Variants in INSL6 observed in about 807,000 individuals in gnomAD.
INSL6 encodes the protein insulin-like peptide INSL6.
INSL6 carries 16 observed loss-of-function variants against 9.4 expected under a neutral mutation model. That is an observed-to-expected ratio of 1.70 (90% CI 1.15 to 2.59). INSL6 has a LOEUF of 2.59. Ranked by LOEUF, INSL6 falls within the 30% of genes most tolerant of loss-of-function variation. INSL6 has a pLI of 0.00. For synonymous variants in INSL6, 154 were observed against 96.9 expected (o/e 1.59, Z -3.46); for missense variants, 391 against 257.3 (o/e 1.52, Z -3.56).
the INSL6 span, chr9:5,073,933 G>T: frequency 1.7e-6 from 1 of 595,728 alleles, no homozygotes; most frequent in South Asian, 2.1e-5. Flanking sequence ...AAACACTGTA[G>T]GACTATTCAG....
chr9:5,024,336 C>T, the INSL6 span, among the ~76,000 whole-genome samples: 5 of 151,778 alleles, frequency 3.3e-5, no homozygotes, highest in Non-Finnish European at 7.4e-5. Context: ...TTTTTTTTGA[C>T]AGATTTTATT....
At chr9:5,086,004 T>C in the INSL6 span, 4 of 839,678 alleles carry the variant, frequency 4.8e-6, no homozygotes, top group Non-Finnish European at 8.3e-6. Context: ...GTGATGAAAC[T>C]GTGATATACT....
At chr9:5,112,132 A>G in the INSL6 span, 1 of 314,194 alleles carries the variant, frequency 3.2e-6, no homozygotes, top group Non-Finnish European at 6.4e-6. Context: ...CAGCCACGCC[A>G]TGGGCACGGC....
At chr9:5,091,009 C>T in the INSL6 span, 1 of 910,392 alleles carries the variant, frequency 1.1e-6, no homozygotes, top group Non-Finnish European at 1.6e-6. Context: ...TTTACAGTAA[C>T]AGTGAACATT....
chr9:5,136,311 C>G (rs1383368960), intron 2 of INSL6, among the ~76,000 whole-genome samples: 2 of 152,030 alleles, frequency 1.3e-5, no homozygotes, highest in Admixed American at 6.6e-5. Context: ...GGCAGAGACA[C>G]AACAAAAAAA....
the INSL6 span, chr9:5,073,790 G>A: frequency 6.4e-7 from 1 of 1,574,676 alleles, no homozygotes; most frequent in Non-Finnish European, 8.7e-7. Flanking sequence ...ACGAGAGTAA[G>A]TAAAACTACA....
At chr9:5,138,698 T>C (rs1824432307) in intron 2 of INSL6, among the ~76,000 whole-genome samples, 1 of 149,438 alleles carries the variant, frequency 6.7e-6, no homozygotes, top group East Asian at 2.0e-4. Flanking sequence ...ACCTGCACTT[T>C]CGGTACATGT....
chr9:5,022,664 TTCTTATGTCTTTGGTGTA>T, the INSL6 span, among the ~76,000 whole-genome samples: 1 of 152,202 alleles, frequency 6.6e-6, no homozygotes, highest in Non-Finnish European at 1.5e-5. Context: ...TCATATATAT[TTCTTATGTCTTTGGTGTA>T]TCTTGAAATC....
chr9:5,153,757 A>C (rs1824760762), intron 2 of INSL6, among the ~76,000 whole-genome samples: 1 of 152,224 alleles, frequency 6.6e-6, no homozygotes, highest in Non-Finnish European at 1.5e-5. Flanking sequence ...TAGGAATACA[A>C]CTTACGAGGG....
chr9:5,020,325 G>A, the INSL6 span, among the ~76,000 whole-genome samples: 12 of 152,142 alleles, frequency 7.9e-5, no homozygotes, highest in African/African-American at 2.7e-4. Context: ...AAACTGGTGC[G>A]ATCCCAAGGC....
intron 2 of INSL6, among the ~76,000 whole-genome samples, chr9:5,151,556 A>C (rs1457351371): frequency 1.3e-5 from 2 of 152,146 alleles, no homozygotes; most frequent in Admixed American, 1.3e-4. Context: ...AAAGGTCTTA[A>C]ACTGCCTGTG....
At chr9:5,021,764 A>G in the INSL6 span, among the ~76,000 whole-genome samples, 6 of 152,196 alleles carry the variant, frequency 3.9e-5, no homozygotes, top group African/African-American at 1.2e-4. Flanking sequence ...AGCTAGGACT[A>G]CAAGTGCGTG....
At chr9:5,057,921 C>A in the INSL6 span, among the ~76,000 whole-genome samples, 1 of 152,040 alleles carries the variant, frequency 6.6e-6, no homozygotes, top group African/African-American at 2.4e-5. Flanking sequence ...ACTCTAGATA[C>A]CTCATAAAAG....
At chr9:5,019,470 C>T in the INSL6 span, among the ~76,000 whole-genome samples, 4 of 152,024 alleles carry the variant, frequency 2.6e-5, no homozygotes, top group African/African-American at 7.2e-5. Context: ...TATCTGTATG[C>T]GTTTGTATCT....
In INSL6 at chr9:5,163,930, C is replaced by A. The variant is rs372996592; in HGVS notation, c.625G>T (p.Val209Leu). The A allele has an allele frequency of 5.0e-6, 8 of 1,598,582 alleles. No homozygotes were observed. In the African/African-American group the frequency reaches 8.0e-5, roughly 16 times the overall value. ...KRLKEKRSSL[V>L]TKIY Reference sequence around the variant, plus strand: ...TAAGATGGTTAGTATATCTTAGTTACAAGTGATGATCTTTTTTCCTTTAGC... The same window carrying A: ...TAAGATGGTTAGTATATCTTAGTTAAAAGTGATGATCTTTTTTCCTTTAGC... Residue 209 changes from valine (V) to leucine (L), a missense_variant, in exon 2 of 2, where the codon GTA becomes TTA. By Grantham distance (32) the Val-to-Leu change is conservative. Transcript: ENST00000381641.
At chr9:5,115,968 G>C in the INSL6 span, among the ~76,000 whole-genome samples, 1 of 151,994 alleles carries the variant, frequency 6.6e-6, no homozygotes, top group Non-Finnish European at 1.5e-5. Flanking sequence ...TTGATGGGTT[G>C]ATGGGTGCAG....
At chr9:5,113,222 A>G in the INSL6 span, among the ~76,000 whole-genome samples, 3 of 118,896 alleles carry the variant, frequency 2.5e-5, no homozygotes, top group Non-Finnish European at 5.1e-5. Context: ...TTTTTTTTCC[A>G]GTAAACAAAA....
At chr9:5,001,685 A>T in the INSL6 span, among the ~76,000 whole-genome samples, 6 of 151,592 alleles carry the variant, frequency 4.0e-5, no homozygotes, top group Non-Finnish European at 7.4e-5. Context: ...AATTCTGGCC[A>T]CATAAAATGA....
chr9:5,040,248 A>C, the INSL6 span, among the ~76,000 whole-genome samples: 690 of 152,268 alleles, frequency 4.5e-3, 3 homozygotes, highest in Non-Finnish European at 8.0e-3. Flanking sequence ...CTGGATATCC[A>C]CATGTAAACT....
Sources: gnomAD v4.1 joint callset for allele counts (sites outside exome capture counted in the v4.1 genomes callset) on GRCh38, gnomAD v4.1.1 for gene constraint, MANE v1.5 for transcripts, NCBI Gene and HGNC (gene_info 2026-07-23, HGNC 2026-07-21) for gene names.